The following CSMD1 variants were observed in gnomAD, a reference collection of about 807,000 sequenced individuals.
CSMD1 encodes CUB and sushi domain-containing protein 1.
In CSMD1, 213 loss-of-function variants were observed where a neutral mutation model predicts 417.5. The observed-to-expected ratio is 0.51, with a 90% CI of 0.46 to 0.57. The LOEUF is 0.57. Ranked by LOEUF, CSMD1 falls within the 20% of genes least tolerant of loss-of-function variation. The pLI, the probability that CSMD1 is intolerant of heterozygous loss-of-function variation, is 0.00. For synonymous variants in CSMD1, 2,862 were observed against 1,736.8 expected (o/e 1.65, Z -16.11); for missense variants, 6,923 against 4,529.7 (o/e 1.53, Z -15.17).
intron 5 of CSMD1, among the ~76,000 whole-genome samples, chr8:3,757,868 C>A (rs896878186): frequency 6.7e-5 from 10 of 150,184 alleles, no homozygotes; most frequent in African/African-American, 2.0e-4. Flanking sequence ...AACAAACAAA[C>A]AAAAAAAACC....
intron 3 of CSMD1, among the ~76,000 whole-genome samples, chr8:4,258,980 G>C (rs533280145): frequency 1.3e-5 from 2 of 152,262 alleles, no homozygotes; most frequent in East Asian, 1.9e-4. Flanking sequence ...GTCTAACTAA[G>C]ACTTTAAAAG....
chr8:3,599,446 C>G (rs1386943190), intron 8 of CSMD1, among the ~76,000 whole-genome samples: 2 of 152,048 alleles, frequency 1.3e-5, no homozygotes, highest in African/African-American at 2.4e-5. Context: ...TTACTAACCC[C>G]AAAGCAGCAT....
chr8:4,777,269 G>A (rs973853547), intron 1 of CSMD1, among the ~76,000 whole-genome samples: 1 of 152,206 alleles, frequency 6.6e-6, no homozygotes, highest in African/African-American at 2.4e-5. Flanking sequence ...GGCAGTGCGA[G>A]AAACAATTAA....
At chr8:3,338,925 G>T (rs954831082) in intron 23 of CSMD1, among the ~76,000 whole-genome samples, 1 of 150,814 alleles carries the variant, frequency 6.6e-6, no homozygotes. Context: ...ATGCTGGTGC[G>T]CTGCACCCAC....
At chr8:3,162,994 A>G (rs1013112839) in intron 37 of CSMD1, among the ~76,000 whole-genome samples, 3 of 152,236 alleles carry the variant, frequency 2.0e-5, no homozygotes, top group South Asian at 2.1e-4. Flanking sequence ...AATCCTTATC[A>G]TAAGAATAAA....
At chr8:4,966,238 G>T (rs533034274) in intron 1 of CSMD1, among the ~76,000 whole-genome samples, 18 of 142,590 alleles carry the variant, frequency 1.3e-4, no homozygotes, top group Admixed American at 8.2e-4. Context: ...AATTAGCTGG[G>T]TATGGTGGCA....
At chr8:3,368,780 G>T (rs779573183) in intron 19 of CSMD1, among the ~76,000 whole-genome samples, 12 of 152,098 alleles carry the variant, frequency 7.9e-5, no homozygotes, top group Non-Finnish European at 1.5e-4. Context: ...ATAAAATGAG[G>T]ATAGAAATAT....
intron 3 of CSMD1, among the ~76,000 whole-genome samples, chr8:4,197,060 G>C (rs138750222): frequency 1.5e-4 from 23 of 152,092 alleles, no homozygotes; most frequent in African/African-American, 4.6e-4. Flanking sequence ...TATTCACTGA[G>C]AGCTTGTGTT....
At chr8:4,549,207 C>T (rs928938882) in intron 2 of CSMD1, among the ~76,000 whole-genome samples, 5 of 152,130 alleles carry the variant, frequency 3.3e-5, no homozygotes, top group African/African-American at 1.2e-4. Flanking sequence ...GAAATCACTC[C>T]ATTGGCAGCA....
In CSMD1 at chr8:4,384,871, C is replaced by T. The variant is rs529404965; in HGVS notation, c.415+35082G>A. Among the ~76,000 whole-genome samples the T allele has an allele frequency of 6.6e-5, 10 of 150,574 alleles. 1 individual carries two copies. The South Asian group carries it at 2.2e-3, about 33-fold the overall frequency. On this transcript the variant is annotated intron_variant, in intron 3 of 69. Coordinates refer to ENST00000635120, the MANE Select transcript of CSMD1 (RefSeq NM_033225.6). ...TACTGTTTGATCTTAACAAATACAA[C>T]TGCTCTAATTTCTGGTGACTATCAA...
At chr8:3,456,569 C>T (rs1321198840) in intron 12 of CSMD1, among the ~76,000 whole-genome samples, 2 of 152,202 alleles carry the variant, frequency 1.3e-5, no homozygotes, top group African/African-American at 2.4e-5. Flanking sequence ...CATTGCATTA[C>T]TTCCTACTAT....
At chr8:3,688,963 A>C (rs1050809722) in intron 7 of CSMD1, among the ~76,000 whole-genome samples, 1 of 152,178 alleles carries the variant, frequency 6.6e-6, no homozygotes, top group Non-Finnish European at 1.5e-5. Flanking sequence ...AATATTATGA[A>C]ATTAAAAAGG....
intron 1 of CSMD1, among the ~76,000 whole-genome samples, chr8:4,726,986 A>C (rs1380101594): frequency 6.6e-6 from 1 of 152,180 alleles, no homozygotes; most frequent in Non-Finnish European, 1.5e-5. Context: ...TTAGGATGGA[A>C]AATGAGACCC....
Position 4,210,817 on chromosome 8 carries a change from G to C in CSMD1, c.416-178718C>G, listed in dbSNP as rs140719876. ...TATCTACAAGGTCTCAAGACTATCA[G>C]TCTTGGAAAGAATCATGTATCTCGG... On this transcript the variant is annotated intron_variant, in intron 3 of 69. Coordinates refer to ENST00000635120, the MANE Select transcript of CSMD1 (RefSeq NM_033225.6). Among the ~76,000 whole-genome samples, 159 of 152,250 alleles carry C rather than the reference G, an allele frequency of 1.0e-3. 1 individual carries two copies. Among genetic ancestry groups the C allele is most frequent in the African/African-American group, 3.5e-3 (147 of 41,568 alleles).
chr8:3,955,009 A>G (rs1350102268), intron 5 of CSMD1, among the ~76,000 whole-genome samples: 1 of 152,308 alleles, frequency 6.6e-6, no homozygotes, highest in East Asian at 1.9e-4. Flanking sequence ...CCATCAGGAA[A>G]TGGCCTCTCC....
chr8:3,468,908 A>G lies in CSMD1; in HGVS notation c.1449-84T>C, dbSNP rs76351207. 5.6e-3 allele frequency: 4,550 copies of G among 806,640 alleles called. 44 individuals are homozygous for G. Among genetic ancestry groups the G allele is most frequent in the South Asian group, 0.02 (1,277 of 63,550 alleles). 50.0% of individuals were successfully genotyped at this position (806,640 alleles called of 1,614,324 possible). A position where few individuals can be genotyped will look rare whatever the true frequency, so the allele number is the denominator to read the frequency against. On this transcript the variant is annotated intron_variant, in intron 11 of 69. Coordinates refer to ENST00000635120, the MANE Select transcript of CSMD1 (RefSeq NM_033225.6). ...CCTGAAAGGAGGGTCTTGCTGCTTT[A>G]AACAGCCAAACCCTAGATATATAGG...
chr8:3,366,170 C>G (rs1204462432), intron 20 of CSMD1, among the ~76,000 whole-genome samples: 1 of 152,150 alleles, frequency 6.6e-6, no homozygotes, highest in Non-Finnish European at 1.5e-5. Flanking sequence ...GCATCATATG[C>G]ACAAATGCAA....
Position 4,115,358 on chromosome 8 carries a change from G to A in CSMD1, c.416-83259C>T, listed in dbSNP as rs181673236. Among the ~76,000 whole-genome samples, 275 of 152,230 alleles carry A rather than the reference G, an allele frequency of 1.8e-3. 3 individuals carry two copies. Among genetic ancestry groups the A allele is most frequent in the Admixed American group, 0.017 (257 of 15,296 alleles). ...TTTAGACATAATACTGTTGCATAAAGGTTACACTACTGTGTACACATAATT... is the reference window on the plus strand; with the variant it reads ...TTTAGACATAATACTGTTGCATAAAAGTTACACTACTGTGTACACATAATT... On this transcript the variant is annotated intron_variant, in intron 3 of 69. Coordinates refer to ENST00000635120, the MANE Select transcript of CSMD1 (RefSeq NM_033225.6).
At chr8:3,013,521 C>T (rs141319748) in intron 52 of CSMD1, among the ~76,000 whole-genome samples, 2,355 of 152,276 alleles carry the variant, frequency 0.015, 20 homozygotes, top group East Asian at 0.038. Flanking sequence ...GAGGCCAAGG[C>T]GGGCAGATCA....
Sources: gnomAD v4.1 joint callset for allele counts (sites outside exome capture counted in the v4.1 genomes callset) on GRCh38, gnomAD v4.1.1 for gene constraint, MANE v1.5 for transcripts, NCBI Gene and HGNC (gene_info 2026-07-23, HGNC 2026-07-21) for gene names.